NOD1: variants seen among roughly 807,000 people sequenced by gnomAD.
NOD1 encodes the protein nucleotide-binding oligomerization domain-containing protein 1.
NOD1 carries 70 observed loss-of-function variants against 81.2 expected under a neutral mutation model. The ratio of observed to expected loss-of-function variants is 0.86; its 90% CI spans 0.71 to 1.05. The LOEUF (loss-of-function observed/expected upper bound fraction) is 1.05. Ranked by LOEUF, NOD1 falls within the 50% of genes least tolerant of loss-of-function variation. The pLI is 0.00. For synonymous variants in NOD1, 508 were observed against 526.9 expected (o/e 0.96, Z 0.49); for missense variants, 1,233 against 1,228.0 (o/e 1.00, Z -0.06).
intron 6 of NOD1, among the ~76,000 whole-genome samples, chr7:30,450,125 C>G (rs1434620973): frequency 6.6e-6 from 1 of 151,956 alleles, no homozygotes; most frequent in African/African-American, 2.4e-5. Context: ...ACCCAGGAGG[C>G]GGAGGTTGCA....
chr7:30,459,880 C>T (rs1247299616), intron 2 of NOD1, 21 bp downstream of exon 2: 2 of 152,626 alleles, frequency 1.3e-5, no homozygotes, highest in African/African-American at 4.8e-5. Flanking sequence ...CCGCCTACCA[C>T]GAGGGGCCCG....
chr7:30,434,145 G>A (rs1158325677), intron 11 of NOD1, among the ~76,000 whole-genome samples: 1 of 152,212 alleles, frequency 6.6e-6, no homozygotes, highest in African/African-American at 2.4e-5. Context: ...CCCACCAGCA[G>A]GGTGACCTCG....
intron 10 of NOD1, among the ~76,000 whole-genome samples, chr7:30,436,513 C>T (rs1172292039): frequency 2.0e-5 from 3 of 152,254 alleles, no homozygotes; most frequent in East Asian, 1.9e-4. Context: ...GCAGCAGAGC[C>T]GTGGACATAC....
At position 30,448,267 on chromosome 7, in the gene NOD1, A is replaced by G. The variant is rs199476266; in HGVS notation, c.2285+31T>C. 105 of 1,494,658 alleles carry G rather than the reference A, an allele frequency of 7.0e-5. No individual in the cohort carries two copies. The East Asian group carries it at 2.3e-3, about 33-fold the overall frequency. 92.6% of individuals were successfully genotyped at this position (1,494,658 alleles called of 1,614,324 possible). ...CTGCAGCTCTGTATTATTACTAGGT[A>G]GTTGGCCCAGTGTTCTGGAGAAAGA... On this transcript the variant is annotated intron_variant, in intron 7 of 13. Transcript: ENST00000222823.
intron 12 of NOD1, among the ~76,000 whole-genome samples, chr7:30,432,888 G>A (rs1364552479): frequency 1.3e-5 from 2 of 152,164 alleles, no homozygotes; most frequent in African/African-American, 2.4e-5. Context: ...CTGGGGAGGA[G>A]GACAGGGAGT....
chr7:30,434,285 C>T (rs533825875), intron 11 of NOD1, among the ~76,000 whole-genome samples: 15 of 152,330 alleles, frequency 9.8e-5, no homozygotes, highest in Admixed American at 9.8e-4. Flanking sequence ...ACATGGCATG[C>T]AGTCAGCACT....
intron 1 of NOD1, chr7:30,475,970 GAC>G (rs1033253827): frequency 1.3e-5 from 2 of 152,186 alleles, no homozygotes; most frequent in Non-Finnish European, 2.9e-5. Context: ...CCCCTTGTGT[GAC>G]ATGCAACTGA....
Position 30,451,710 on chromosome 7 carries a change from C to T in NOD1, c.1707G>A (p.Gln569=). The T allele has an allele frequency of 6.2e-7, 1 of 1,613,888 alleles. No individual in the cohort carries two copies. The change falls in exon 6 of 14, where the codon CAG becomes CAA. Residue 569 remains glutamine, a synonymous_variant. Coordinates refer to ENST00000222823, the MANE Select transcript of NOD1 (RefSeq NM_006092.4). The surrounding 1 kb of genome is among the most constrained non-coding windows in gnomAD (Gnocchi z 4.2). ...YPPFLPFQCL[Q]GSGPAREDLF... ...GGTCTTCCCGCGCCGGACCACTGCC[C>T]TGCAGGCACTGGAACGGGAGGAAGG...
At chr7:30,448,077 T>A in intron 7 of NOD1, 1 of 563,878 alleles carries the variant, frequency 1.8e-6, no homozygotes, top group South Asian at 2.3e-5. Context: ...TACTTGCCTA[T>A]ACTGGGATCC....
At position 30,451,309 on chromosome 7, in the gene NOD1, G is replaced by T. The variant is rs1280968882; in HGVS notation, c.2108C>A (p.Pro703His). ...SALSFVLHHF[P>H]KRLALDLDNN... is the part of the protein sequence containing the mutation. ...GTCTAGGTCTAGGGCCAGCCGCTTGGGGAAGTGATGCAGGACGAAGGAGAG... is the reference window on the plus strand; with the variant it reads ...GTCTAGGTCTAGGGCCAGCCGCTTGTGGAAGTGATGCAGGACGAAGGAGAG... Residue 703 changes from proline to histidine, a missense_variant, in exon 6 of 14, where the codon CCC becomes CAC. Physicochemically the swap from Pro to His is moderately conservative, Grantham distance 77. Transcript: ENST00000222823. The surrounding 1 kb of genome is among the most constrained non-coding windows in gnomAD (Gnocchi z 4.2). 49 of 1,614,068 alleles carry T rather than the reference G, an allele frequency of 3.0e-5. No homozygotes were observed. In the East Asian group the frequency reaches 1.1e-3, roughly 35 times the overall value.
intron 9 of NOD1, among the ~76,000 whole-genome samples, chr7:30,438,335 T>C (rs1336629070): frequency 3.9e-5 from 6 of 152,342 alleles, no homozygotes; most frequent in African/African-American, 1.2e-4. Flanking sequence ...TGCCATCTGC[T>C]ACCTGTGTGA....
intron 5 of NOD1, 44 bp downstream of exon 5, chr7:30,455,093 C>G: frequency 1.3e-6 from 2 of 1,596,038 alleles, no homozygotes; most frequent in Middle Eastern, 1.8e-4. Flanking sequence ...CCCCAGGGCC[C>G]TGCTTGCACT....
rs1785720685 is a variant in NOD1 at position 30,451,621 on chromosome 7, G to C, written c.1796C>G (p.Ala599Gly). ...CAGATGCCGCAGGAGTTTCTGTTTG[G>C]CTTTGGACAACAGCCCGCACAGGAA... ...NLFLCGLLSK[A>G]KQKLLRHLVP... The change falls in exon 6 of 14, where the codon GCC becomes GGC. Residue 599 changes from alanine (A) to glycine (G), a missense_variant. Ala to Gly is a moderately conservative substitution (Grantham distance 60). Transcript: ENST00000222823. This position sits in a 1 kb window ranked among gnomAD's most constrained non-coding sequence, Gnocchi z 4.2. 6.2e-7 allele frequency: 1 copy of C among 1,613,954 alleles called. No homozygotes were observed. Among genetic ancestry groups the C allele is most frequent in the African/African-American group, 1.3e-5 (1 of 75,066 alleles).
In NOD1 at chr7:30,452,069, C is replaced by T. The variant is rs1169236272; in HGVS notation, c.1348G>A (p.Val450Met). 4.3e-6 allele frequency: 7 copies of T among 1,613,690 alleles called. No individual in the cohort carries two copies. The highest frequency in any genetic ancestry group is 3.3e-5 in the Admixed American group (2 of 60,030). The change falls in exon 6 of 14, where the codon GTG becomes ATG. Residue 450 changes from valine to methionine, a missense_variant. Val to Met is a conservative substitution (Grantham distance 21). Coordinates refer to ENST00000222823, the MANE Select transcript of NOD1 (RefSeq NM_006092.4). ...TCCCGGCCGGCGTGGAGGGTCTCCA[C>T]TGGGCTGCGTGTGTTCCGCTGCACC... ...SLVQRNTRSP[V>M]ETLHAGRDTL...
At chr7:30,429,122 C>G (rs904393393) in intron 13 of NOD1, among the ~76,000 whole-genome samples, 2 of 152,204 alleles carry the variant, frequency 1.3e-5, no homozygotes, top group African/African-American at 4.8e-5. Flanking sequence ...GGCGGGGGCC[C>G]AGGGCAGGAG....
intron 9 of NOD1, 26 bp downstream of exon 9, chr7:30,446,114 CA>C (rs1379268011): frequency 6.4e-7 from 1 of 1,559,902 alleles, no homozygotes; most frequent in African/African-American, 1.4e-5. Flanking sequence ...CAGGTTGTAC[CA>C]CATACATCCA....
intron 1 of NOD1, chr7:30,469,189 T>A (rs1396034520): frequency 1.0e-6 from 1 of 985,350 alleles, no homozygotes; most frequent in Non-Finnish European, 1.2e-6. Context: ...CCCGGTCATG[T>A]GGGCCTCTGC....
intron 9 of NOD1, among the ~76,000 whole-genome samples, chr7:30,445,278 T>TAAAAAAAAAAAAAAAAAAA (rs55875433): frequency 1.4e-5 from 1 of 69,180 alleles, no homozygotes; most frequent in Non-Finnish European, 2.5e-5. Flanking sequence ...AAAAAGAATC[T>TAAAAAAAAAAAAAAAAAAA]AAAAAAAAAA....
At chr7:30,458,702 G>A (rs935300614) in intron 3 of NOD1, among the ~76,000 whole-genome samples, 4 of 149,948 alleles carry the variant, frequency 2.7e-5, no homozygotes, top group African/African-American at 9.8e-5. Context: ...ATTAGTTATT[G>A]TTCCAATAAA....
Sources: gnomAD v4.1 joint callset for allele counts (sites outside exome capture counted in the v4.1 genomes callset) on GRCh38, gnomAD v4.1.1 for gene constraint, Gnocchi (gnomAD v3.1) non-coding constraint, MANE v1.5 for transcripts, NCBI Gene and HGNC (gene_info 2026-07-23, HGNC 2026-07-21) for gene names.